INPP4A: variants seen among roughly 807,000 people sequenced by gnomAD.
INPP4A encodes inositol polyphosphate-4-phosphatase, type I, 107kD.
A neutral mutation model predicts 119.8 loss-of-function variants in INPP4A; 33 were observed. The ratio of observed to expected loss-of-function variants is 0.28; its 90% confidence interval spans 0.21 to 0.37. The LOEUF (loss-of-function observed/expected upper bound fraction) is 0.37. INPP4A is among the 10% of genes least tolerant of loss of function. The pLI is 1.00. For synonymous variants in INPP4A, 496 were observed against 500.7 expected (o/e 0.99, Z 0.12); for missense variants, 956 against 1,289.9 (o/e 0.74, Z 3.97).
At chr2:98,544,359 C>G (rs796902135) in intron 11 of INPP4A, among the ~76,000 whole-genome samples, 4 of 152,314 alleles carry the variant, frequency 2.6e-5, no homozygotes, top group African/African-American at 9.6e-5. Context: ...TCATCTTGGA[C>G]TAATGTCAGT....
chr2:98,470,145 A>G (rs969479683), intron 1 of INPP4A, among the ~76,000 whole-genome samples: 1 of 152,316 alleles, frequency 6.6e-6, no homozygotes, highest in East Asian at 1.9e-4. Context: ...AGAAGAACAC[A>G]TGACATGTTG....
chr2:98,450,289 C>T (rs1007299111), intron 1 of INPP4A, among the ~76,000 whole-genome samples: 1 of 152,152 alleles, frequency 6.6e-6, no homozygotes, highest in African/African-American at 2.4e-5. Flanking sequence ...GTTATATCAC[C>T]TAACTTCCTT....
At chr2:98,453,646 T>A (rs1382728562) in intron 1 of INPP4A, among the ~76,000 whole-genome samples, 1 of 152,124 alleles carries the variant, frequency 6.6e-6, no homozygotes, top group African/African-American at 2.4e-5. Context: ...CAGAACCTGG[T>A]GGTCTGTGAC....
At chr2:98,483,698 C>T (rs1026850039) in intron 1 of INPP4A, among the ~76,000 whole-genome samples, 2 of 152,176 alleles carry the variant, frequency 1.3e-5, no homozygotes, top group Non-Finnish European at 2.9e-5. Flanking sequence ...CTAAACATAG[C>T]AGCGTGGACC....
intron 1 of INPP4A, among the ~76,000 whole-genome samples, chr2:98,472,958 G>A (rs569230919): frequency 1.3e-5 from 2 of 152,118 alleles, no homozygotes; most frequent in Non-Finnish European, 2.9e-5. Context: ...TAGGTGCAGT[G>A]TAGAGTGAGG....
chr2:98,573,043 G>A, intron 23 of INPP4A, 116 bp downstream of exon 23: 1 of 756,990 alleles, frequency 1.3e-6, no homozygotes, highest in East Asian at 2.7e-5. Flanking sequence ...TACTGGGAGA[G>A]GAGGGAGTCA....
At chr2:98,535,207 C>G (rs1241652061) in intron 5 of INPP4A, among the ~76,000 whole-genome samples, 1 of 152,136 alleles carries the variant, frequency 6.6e-6, no homozygotes, top group Non-Finnish European at 1.5e-5. Context: ...GTAGCTGATC[C>G]TAAAAAAAGG....
intron 1 of INPP4A, among the ~76,000 whole-genome samples, chr2:98,484,669 G>T (rs774394866): frequency 3.2e-4 from 49 of 152,146 alleles, no homozygotes; most frequent in Non-Finnish European, 5.6e-4. Context: ...AACCAGAAAA[G>T]CATGATGTGT....
chr2:98,584,433 C>T lies in INPP4A; in HGVS notation c.2787-3043C>T, dbSNP rs116361108. Among the ~76,000 whole-genome samples the T allele has an allele frequency of 9.2e-3, 1,401 of 152,368 alleles. 7 individuals are homozygous for T. Among genetic ancestry groups the T allele is most frequent in the Non-Finnish European group, 0.016 (1,107 of 68,026 alleles). On this transcript the variant is annotated intron_variant, in intron 24 of 24. Coordinates refer to ENST00000409851, the MANE Select transcript of INPP4A (RefSeq NM_001134225.2). ...AGGCCCTCTGACTGCAGACAGCACC[C>T]CTCCCTCTCCCAGGGCTCAAGGATG...
rs766066774 is a variant in INPP4A at position 98,457,978 on chromosome 2, ATT to A, written c.-166+12913_-166+12914del. ...ACTGTGCCCAGCTAATTAAACAAAA[ATT>A]TTTTTTTTTTTTTTTTTTTGTTTAA... is the stretch of plus-strand genomic sequence containing the variant. On this transcript the variant is annotated intron_variant, in intron 1 of 24. Coordinates refer to ENST00000409851, the MANE Select transcript of INPP4A (RefSeq NM_001134225.2). Among the ~76,000 whole-genome samples the A allele has an allele frequency of 6.8e-3, 934 of 137,114 alleles. 2 individuals carry two copies. Among genetic ancestry groups the A allele is most frequent in the Middle Eastern group, 0.011 (3 of 266 alleles). The allele number at this position is 137,114 out of a possible 152,430, so 90.0% of individuals were successfully genotyped here.
intron 4 of INPP4A, 90 bp from the exon 5 acceptor site, chr2:98,533,287 C>G: frequency 1.3e-6 from 1 of 775,674 alleles, no homozygotes; most frequent in South Asian, 1.5e-5. Context: ...GTCATTTACT[C>G]TTTGTGCTTT....
Position 98,565,602 on chromosome 2 carries a change from C to T in INPP4A, c.2153-38C>T, listed in dbSNP as rs766275994. 1.2e-5 allele frequency: 19 copies of T among 1,575,806 alleles called. No homozygotes were observed. The East Asian group carries it at 4.1e-4, about 34-fold the overall frequency. ...GCTGAGACTGGGGAGAGTAGCAGGG[C>T]CCTCTGCCTGACAGCCCTGCCCCTC... On this transcript the variant is annotated intron_variant, in intron 19 of 24. Transcript: ENST00000409851.
At chr2:98,492,603 G>A (rs1193306993) in intron 1 of INPP4A, among the ~76,000 whole-genome samples, 1 of 152,238 alleles carries the variant, frequency 6.6e-6, no homozygotes, top group Non-Finnish European at 1.5e-5. Context: ...TAGAGACCTG[G>A]GAGCCCTTTA....
intron 1 of INPP4A, among the ~76,000 whole-genome samples, chr2:98,517,746 C>T (rs1169170494): frequency 1.3e-5 from 2 of 152,142 alleles, no homozygotes; most frequent in African/African-American, 2.4e-5. Flanking sequence ...AGTAATGCTG[C>T]AATAAGCATT....
intron 24 of INPP4A, among the ~76,000 whole-genome samples, chr2:98,584,470 C>T (rs1168419228): frequency 2.6e-5 from 4 of 152,240 alleles, no homozygotes; most frequent in African/African-American, 7.2e-5. Context: ...TTCTGTGGCA[C>T]CCTCCAGGGA....
intron 5 of INPP4A, among the ~76,000 whole-genome samples, chr2:98,533,807 A>G (rs1170526721): frequency 6.6e-6 from 1 of 152,184 alleles, no homozygotes; most frequent in African/African-American, 2.4e-5. Context: ...ATTGGCTGCT[A>G]CTTTGCAAGA....
chr2:98,498,388 A>G (rs1442591854), intron 1 of INPP4A, among the ~76,000 whole-genome samples: 1 of 152,000 alleles, frequency 6.6e-6, no homozygotes, highest in East Asian at 1.9e-4. Context: ...GCCTTCTGCT[A>G]TGATTGTGAG....
At chr2:98,582,264 C>G (rs960989387) in intron 24 of INPP4A, among the ~76,000 whole-genome samples, 3 of 152,244 alleles carry the variant, frequency 2.0e-5, no homozygotes, top group Non-Finnish European at 4.4e-5. Context: ...CATGTACTTT[C>G]TGCTTTCATT....
chr2:98,539,509 C>T lies in INPP4A; in HGVS notation c.671-19C>T, dbSNP rs1690986512. 6.3e-7 allele frequency: 1 copy of T among 1,596,422 alleles called. No individual in the cohort carries two copies. The highest frequency in any genetic ancestry group is 8.6e-7 in the Non-Finnish European group (1 of 1,168,334). ...AGCCAGTTCATTTGCAGCCTGTCTCCCTTGTCATCCCACCTCAGTGTTCGG... is the reference window on the plus strand; with the variant it reads ...AGCCAGTTCATTTGCAGCCTGTCTCTCTTGTCATCCCACCTCAGTGTTCGG... On this transcript the variant is annotated intron_variant, in intron 9 of 24. Coordinates refer to ENST00000409851, the MANE Select transcript of INPP4A (RefSeq NM_001134225.2).
Sources: gnomAD v4.1 joint callset for allele counts (sites outside exome capture counted in the v4.1 genomes callset) on GRCh38, gnomAD v4.1.1 for gene constraint, MANE v1.5 for transcripts, NCBI Gene and HGNC (gene_info 2026-07-23, HGNC 2026-07-21) for gene names.